The following MYH1 variants were observed in gnomAD, a reference collection of about 807,000 sequenced individuals.
The protein encoded by MYH1 is myosin heavy chain 1, also known as myosin-1.
MYH1 carries 214 observed loss-of-function variants against 225.6 expected under a neutral mutation model. The observed-to-expected ratio is 0.95, with a 90% CI of 0.85 to 1.06. The LOEUF is 1.06. Among genes scored for constraint, MYH1 ranks in the 50% least tolerant of loss-of-function variants. The pLI, the probability that MYH1 is intolerant of heterozygous loss-of-function variation, is 0.00. For synonymous variants in MYH1, 774 were observed against 842.3 expected (o/e 0.92, Z 1.40); for missense variants, 2,098 against 2,344.2 (o/e 0.89, Z 2.17).
rs771070275 is a variant in MYH1 at position 10,495,261 on chromosome 17, C to G, written c.5226G>C (p.Gln1742His). ...KKLETDISQI[Q>H]GEMEDIIQEA... ...CCTGGATGATGTCTTCCATCTCTCC[C>G]TGGATTTGGGAAATGTCTGTCTCCA... Residue 1742 changes from glutamine (Q) to histidine (H), a missense_variant, in exon 36 of 40, where the codon CAG becomes CAC. Transcript: ENST00000226207. The G allele has an allele frequency of 1.2e-6, 2 of 1,614,166 alleles. No homozygotes were observed. The highest frequency in any genetic ancestry group is 1.7e-6 in the Non-Finnish European group (2 of 1,180,038).
intron 12 of MYH1, 95 bp downstream of exon 12, chr17:10,512,307 TATGTCC>T: frequency 6.3e-7 from 1 of 1,594,890 alleles, no homozygotes; most frequent in South Asian, 1.1e-5. Flanking sequence ...TACATCTGAG[TATGTCC>T]ATCAGGAGCT....
At position 10,502,833 on chromosome 17, in the gene MYH1, C is replaced by G. The variant is rs1455109130; in HGVS notation, c.3016G>C (p.Ala1006Pro). 1.9e-6 allele frequency: 3 copies of G among 1,613,892 alleles called. No individual in the cohort carries two copies. The African/African-American group carries it at 4.0e-5, about 22-fold the overall frequency. Residue 1006 changes from alanine (A) to proline (P), a missense_variant, in exon 24 of 40, where the codon GCC becomes CCC. Coordinates refer to ENST00000226207, the MANE Select transcript of MYH1 (RefSeq NM_005963.4). ...LTKEKKALQEAHQQTLDDLQA... is the reference protein window; with the variant it reads ...LTKEKKALQEPHQQTLDDLQA... The stretch of plus-strand genomic sequence containing the variant: ...AGGTCATCCAGGGTCTGCTGGTGGG[C>G]CTCCTGGAGAGCCTTCTTCTCCTTG...
chr17:10,503,400 A>G, intron 22 of MYH1, 152 bp from the exon 23 acceptor site: 2 of 1,092,920 alleles, frequency 1.8e-6, no homozygotes, highest in Non-Finnish European at 1.3e-6. Flanking sequence ...TTGGGCACTT[A>G]TGAGTCCGGT....
At chr17:10,508,053 T>C (rs4791995) in intron 16 of MYH1, 97 bp from the exon 17 acceptor site, 391,497 of 1,043,438 alleles carry the variant, frequency 0.38, 81,743 homozygotes, top group East Asian at 0.81. Flanking sequence ...GTTTCACTCT[T>C]GGTTGCCCAG....
At chr17:10,497,565 G>C (rs1386176833) in intron 31 of MYH1, 113 bp from the exon 32 acceptor site, 2 of 1,482,014 alleles carry the variant, frequency 1.3e-6, no homozygotes, top group Non-Finnish European at 1.8e-6. Context: ...AAAAAATTAT[G>C]AATGAGAAGA....
intron 19 of MYH1, 58 bp from the exon 20 acceptor site, chr17:10,505,569 G>C (rs753601053): frequency 1.2e-5 from 19 of 1,590,988 alleles, no homozygotes; most frequent in Non-Finnish European, 1.6e-5. Context: ...AAATCTTCCT[G>C]TCTGGCTATA....
At position 10,504,856 on chromosome 17, in the gene MYH1, A is replaced by G. The variant is rs779697574; in HGVS notation, c.2645T>C (p.Val882Ala). 7.4e-6 allele frequency: 12 copies of G among 1,614,110 alleles called. No homozygotes were observed. Among genetic ancestry groups the G allele is most frequent in the Non-Finnish European group, 1.0e-5 (12 of 1,180,016 alleles). Residue 882 changes from valine to alanine, a missense_variant, in exon 22 of 40, where the codon GTT (valine) becomes GCT (alanine). Coordinates refer to ENST00000226207, the MANE Select transcript of MYH1 (RefSeq NM_005963.4). ...AKRKELEEKM[V>A]TLMQEKNDLQ... ...GTCATTTTTTTCTTGCATCAGAGTAACCATTTTTTCTTCCAGCTCTTTCCT... is the reference window on the plus strand; with the variant it reads ...GTCATTTTTTTCTTGCATCAGAGTAGCCATTTTTTCTTCCAGCTCTTTCCT...
chr17:10,513,482 A>G (rs2073192628), intron 9 of MYH1, 144 bp downstream of exon 9: 1 of 791,710 alleles, frequency 1.3e-6, no homozygotes, highest in Non-Finnish European at 2.1e-6. Flanking sequence ...ACTGTGGGCT[A>G]TGGATAAGAC....
intron 5 of MYH1, among the ~76,000 whole-genome samples, chr17:10,515,440 A>G (rs1447103788): frequency 2.0e-5 from 3 of 152,192 alleles, no homozygotes; most frequent in African/African-American, 4.8e-5. Context: ...CCAAAACATC[A>G]TCTTCATTCA....
Position 10,508,454 on chromosome 17 carries a change from G to T in MYH1, c.1806C>A (p.Asp602Glu). Residue 602 changes from aspartate (D) to glutamate (E), a missense_variant, in exon 16 of 40, where the codon GAC becomes GAA. Physicochemically the swap from Asp to Glu is conservative, Grantham distance 45. Coordinates refer to ENST00000226207, the MANE Select transcript of MYH1 (RefSeq NM_005963.4). ...GCCCCACCACAGTCTCATTCAGGGG[G>T]TCCTTGTTCTTGTCAAGCCAGCCGG... is the stretch of plus-strand genomic sequence containing the variant. ...NIAGWLDKNK[D>E]PLNETVVGLY... is the part of the protein sequence containing the mutation. 1 of 1,614,168 alleles carries T rather than the reference G, an allele frequency of 6.2e-7. No individual in the cohort carries two copies. Among genetic ancestry groups the T allele is most frequent in the Non-Finnish European group, 8.5e-7 (1 of 1,180,024 alleles).
In MYH1 at chr17:10,499,052, A is replaced by T; in HGVS notation, c.3906T>A (p.Val1302=). 6.2e-7 allele frequency: 1 copy of T among 1,614,164 alleles called. No homozygotes were observed. Among genetic ancestry groups the T allele is most frequent in the Non-Finnish European group, 8.5e-7 (1 of 1,180,004 alleles). The stretch of plus-strand genomic sequence containing the variant: ...CTTGTTTGCCCCTCGAGAGCTGTGA[A>T]ACTAGTGTGTCCTTTTCATCTAGCT... ...SRQLDEKDTL[V]SQLSRGKQAF... is the part of the protein sequence containing the mutation. Residue 1302 remains valine, a synonymous_variant, in exon 29 of 40, where the codon GTT becomes GTA. Coordinates refer to ENST00000226207, the MANE Select transcript of MYH1 (RefSeq NM_005963.4).
chr17:10,511,821 A>G lies in MYH1; in HGVS notation c.1416+18T>C. ...GCTTGTTGGAAACTTTTTTGGTACA[A>G]TTTTTCTGCTAACTCACATCAAAGA... On this transcript the variant is annotated intron_variant, in intron 14 of 39. Coordinates refer to ENST00000226207, the MANE Select transcript of MYH1 (RefSeq NM_005963.4). 2 of 1,613,848 alleles carry G rather than the reference A, an allele frequency of 1.2e-6. No homozygotes were observed. Among genetic ancestry groups the G allele is most frequent in the Non-Finnish European group, 8.5e-7 (1 of 1,179,884 alleles).
intron 14 of MYH1, among the ~76,000 whole-genome samples, chr17:10,511,350 C>T (rs1040029504): frequency 2.0e-5 from 3 of 152,078 alleles, no homozygotes; most frequent in Non-Finnish European, 1.5e-5. Context: ...TTTCATTTCT[C>T]GGCAAACAGA....
Position 10,503,215 on chromosome 17 carries a change from A to G in MYH1, c.2725T>C (p.Cys909Arg). Residue 909 changes from cysteine (C) to arginine (R), a missense_variant, in exon 23 of 40, where the codon TGT (cysteine) becomes CGT (arginine). Transcript: ENST00000226207. The part of the protein sequence containing the change: ...ADSLADAEER[C>R]DQLIKTKIQL... ...ATTTTGGTTTTGATTAGCTGGTCAC[A>G]CCTTTCCTCTGCATCAGCCAAGCTG... is the stretch of plus-strand genomic sequence containing the variant. The G allele has an allele frequency of 6.2e-7, 1 of 1,614,120 alleles. No homozygotes were observed.
chr17:10,508,021 T>A lies in MYH1; in HGVS notation c.1898-65A>T. The A allele has an allele frequency of 3.7e-6, 5 of 1,357,944 alleles. No individual in the cohort carries two copies. In the South Asian group the frequency reaches 6.4e-5, roughly 17 times the overall value. The allele number at this position is 1,357,944 out of a possible 1,614,324, so 84.1% of individuals were successfully genotyped here. On this transcript the variant is annotated intron_variant, in intron 16 of 39. Transcript: ENST00000226207. Reference sequence around the variant, plus strand: ...CTGGTTATGGTTTTTTTTTTTTGTTTTTTTTTGTTTTTTTTGACGAAGTTT... The same window carrying A: ...CTGGTTATGGTTTTTTTTTTTTGTTATTTTTTGTTTTTTTTGACGAAGTTT...
At position 10,514,036 on chromosome 17, in the gene MYH1, C is replaced by T; in HGVS notation, c.622G>A (p.Glu208Lys). ...TIAVTGEKKKEEVTSGKMQGT... is the reference protein window; with the variant it reads ...TIAVTGEKKKKEVTSGKMQGT... ...TGCATTTTGCCAGAAGTAACTTCTT[C>T]CTTCTTCTTCTCCCCAGTAACTGCA... Residue 208 changes from glutamate (E) to lysine (K), a missense_variant, in exon 7 of 40, where the codon GAA (glutamate) becomes AAA (lysine). By Grantham distance (56) the Glu-to-Lys change is moderately conservative. Transcript: ENST00000226207. 2 of 1,614,072 alleles carry T rather than the reference C, an allele frequency of 1.2e-6. No homozygotes were observed. The highest frequency in any genetic ancestry group is 2.2e-5 in the South Asian group (2 of 91,084).
At chr17:10,505,683 A>G (rs2073104283) in intron 19 of MYH1, 129 bp downstream of exon 19, 5 of 1,396,110 alleles carry the variant, frequency 3.6e-6, no homozygotes, top group East Asian at 2.4e-5. Context: ...TCTTATGTCA[A>G]TATGGAGTTT....
Position 10,495,313 on chromosome 17 carries a change from G to C in MYH1, c.5174C>G (p.Thr1725Ser). The C allele has an allele frequency of 6.2e-7, 1 of 1,614,116 alleles. No individual in the cohort carries two copies. Among genetic ancestry groups the C allele is most frequent in the Non-Finnish European group, 8.5e-7 (1 of 1,180,024 alleles). Reference protein sequence around the residue: ...ERVQLLHTQNTSLINTKKKLE... With the variant: ...ERVQLLHTQNSSLINTKKKLE... Reference sequence around the variant, plus strand: ...CTTCTTCTTGGTGTTGATCAGGCTGGTGTTCTGTTTAAAATGTGAAATTTA... The same window carrying C: ...CTTCTTCTTGGTGTTGATCAGGCTGCTGTTCTGTTTAAAATGTGAAATTTA... The change falls in exon 36 of 40, where the codon ACC (threonine) becomes AGC (serine). Residue 1725 changes from threonine (T) to serine (S), a missense_variant. Transcript: ENST00000226207.
chr17:10,498,843 G>A, intron 29 of MYH1, 21 bp from the exon 30 acceptor site: 1 of 1,613,128 alleles, frequency 6.2e-7, no homozygotes. Context: ...AGAGATTGAT[G>A]ACTTAATTTT....
Sources: allele counts gnomAD v4.1 joint callset (sites outside exome capture counted in the v4.1 genomes callset), GRCh38; gene constraint gnomAD v4.1.1; transcripts MANE v1.5; gene names NCBI Gene and HGNC (gene_info 2026-07-23, HGNC 2026-07-21).